TMEM52B: variants seen among roughly 807,000 people sequenced by gnomAD.
TMEM52B encodes chromosome 12 open reading frame 59.
A neutral mutation model predicts 16.1 loss-of-function variants in TMEM52B; 11 were observed. That is an observed-to-expected ratio of 0.68 (90% CI 0.43 to 1.13). TMEM52B has a LOEUF of 1.13. TMEM52B is among the 50% of genes most tolerant of loss of function. The probability of loss-of-function intolerance (pLI) is 0.00; values close to 1 mark genes in which losing one functional copy is unlikely to be tolerated. For missense variants in TMEM52B, 243 were observed against 230.4 expected (o/e 1.05, Z -0.35); for synonymous variants, 101 against 93.8 (o/e 1.08, Z -0.45).
upstream of TMEM52B, among the ~76,000 whole-genome samples, chr12:10,174,870 T>A (rs1948754334): frequency 1.3e-5 from 2 of 152,262 alleles, no homozygotes; most frequent in South Asian, 2.1e-4. Context: ...TTATTTAGCA[T>A]TATGTCTTCA....
At chr12:10,178,106 G>A (rs1399390588), upstream of TMEM52B, among the ~76,000 whole-genome samples, 3 of 151,892 alleles carry the variant, frequency 2.0e-5, no homozygotes, top group Admixed American at 6.5e-5. Flanking sequence ...ATGTTCTCCA[G>A]GCTGGTCTCA....
chr12:10,186,371 G>GA, intron 3 of TMEM52B, 49 bp from the exon 4 acceptor site: 2 of 1,522,654 alleles, frequency 1.3e-6, no homozygotes, highest in Non-Finnish European at 8.9e-7. Context: ...GCAGAGCTGG[G>GA]AAAAAAGCCA....
At chr12:10,183,530 C>T (rs1165773793) in intron 2 of TMEM52B, among the ~76,000 whole-genome samples, 1 of 152,078 alleles carries the variant, frequency 6.6e-6, no homozygotes, top group Non-Finnish European at 1.5e-5. Context: ...CACTAGATTT[C>T]AGTAGATTCC....
At chr12:10,182,006 G>A in intron 1 of TMEM52B, 1 of 877,174 alleles carries the variant, frequency 1.1e-6, no homozygotes. Context: ...CAGCCTGGGT[G>A]ACAGAGCAAG....
chr12:10,179,586 A>G lies in TMEM52B; in HGVS notation c.12A>G (p.Arg4=). Residue 4 remains arginine, a synonymous_variant, in exon 1 of 5, where the codon CGA becomes CGG. Coordinates refer to ENST00000543484, the MANE Select transcript of TMEM52B (RefSeq NM_001384896.1). MGV[R]VHVVAASALL... is the part of the protein sequence containing the mutation. ...AGGAATTCAGCCCGATGGGAGTCCG[A>G]GTTCATGTCGTGGCGGCCTCAGCCC... 5.0e-6 allele frequency: 8 copies of G among 1,614,230 alleles called. No individual in the cohort carries two copies. The highest frequency in any genetic ancestry group is 6.8e-6 in the Non-Finnish European group (8 of 1,180,044).
At chr12:10,173,045 T>G (rs1478976615) in intron 1 of TMEM52B, among the ~76,000 whole-genome samples, 1 of 152,204 alleles carries the variant, frequency 6.6e-6, no homozygotes, top group Non-Finnish European at 1.5e-5. Flanking sequence ...ATAATAATTA[T>G]TAGTATAGTA....
At chr12:10,186,372 A>G in intron 3 of TMEM52B, 48 bp from the exon 4 acceptor site, 4 of 1,520,694 alleles carry the variant, frequency 2.6e-6, no homozygotes, top group South Asian at 1.3e-5. Flanking sequence ...CAGAGCTGGG[A>G]AAAAAGCCAG....
At chr12:10,178,538 A>G (rs1948786614), upstream of TMEM52B, among the ~76,000 whole-genome samples, 1 of 151,726 alleles carries the variant, frequency 6.6e-6, no homozygotes, top group Non-Finnish European at 1.5e-5. Flanking sequence ...AAAAAAAAAA[A>G]AAAGTATTCT....
At chr12:10,185,479 C>A in intron 3 of TMEM52B, 111 bp downstream of exon 3, 1 of 806,496 alleles carries the variant, frequency 1.2e-6, no homozygotes, top group Non-Finnish European at 2.2e-6. Context: ...ATTACTTCAT[C>A]ACTACCTATG....
Position 10,189,971 on chromosome 12 carries a change from T to C in TMEM52B, c.383T>C (p.Leu128Pro). ...CACTCCCACAGCTCCCTGGGCCAGCTGCCCTCCTCTTTGGACACCCTCCCA... is the reference window on the plus strand; with the variant it reads ...CACTCCCACAGCTCCCTGGGCCAGCCGCCCTCCTCTTTGGACACCCTCCCA... ...VAHSHSSLGQ[L>P]PSSLDTLPGY... Residue 128 changes from leucine to proline, a missense_variant, in exon 5 of 5, where the codon CTG becomes CCG. Leu to Pro is a moderately conservative substitution (Grantham distance 98). Transcript: ENST00000543484. 3.1e-6 allele frequency: 5 copies of C among 1,614,190 alleles called. No homozygotes were observed. The highest frequency in any genetic ancestry group is 4.2e-6 in the Non-Finnish European group (5 of 1,180,040).
rs1272322211 is a variant in TMEM52B, at chr12:10,190,094, C to T, written c.506C>T (p.Pro169Leu). The change falls in exon 5 of 5, where the codon CCT becomes CTT. Residue 169 changes from proline to leucine, a missense_variant. By Grantham distance (98) the Pro-to-Leu change is moderately conservative (BLOSUM62 -3). Coordinates refer to ENST00000543484, the MANE Select transcript of TMEM52B (RefSeq NM_001384896.1). The stretch of plus-strand genomic sequence containing the variant: ...CCAGTACCTGAAGAAAAGCAGCTGC[C>T]TCCAACAGAGAAGGAGTCGACTCGA... ...LPPVPEEKQL[P>L]PTEKESTRIV... is the part of the protein sequence containing the mutation. 3 of 1,614,022 alleles carry T rather than the reference C, an allele frequency of 1.9e-6. No homozygotes were observed. The highest frequency in any genetic ancestry group is 2.7e-5 in the African/African-American group (2 of 74,906).
upstream of TMEM52B, among the ~76,000 whole-genome samples, chr12:10,177,753 A>T (rs1277844330): frequency 1.4e-5 from 2 of 146,950 alleles, no homozygotes; most frequent in Non-Finnish European, 3.0e-5. Context: ...CTGGTGACAG[A>T]GAGACTCTGT....
At chr12:10,176,458 G>GTCA (rs1462671849), upstream of TMEM52B, among the ~76,000 whole-genome samples, 1 of 152,218 alleles carries the variant, frequency 6.6e-6, no homozygotes, top group African/African-American at 2.4e-5. Context: ...CGAGCGGGGA[G>GTCA]TCATGTTAAC....
At chr12:10,182,849 T>C (rs1476910750) in intron 2 of TMEM52B, among the ~76,000 whole-genome samples, 2 of 152,220 alleles carry the variant, frequency 1.3e-5, no homozygotes, top group Admixed American at 6.5e-5. Context: ...TCTCAACTTA[T>C]ACAGTCATAG....
At chr12:10,182,116 G>GC in intron 1 of TMEM52B, 1 of 983,780 alleles carries the variant, frequency 1.0e-6, no homozygotes, top group Non-Finnish European at 1.2e-6. Flanking sequence ...TGTCCCACTG[G>GC]CCCCCTCGCT....
intron 2 of TMEM52B, among the ~76,000 whole-genome samples, 155 bp downstream of exon 2, chr12:10,182,748 C>T (rs139726651): frequency 2.7e-4 from 41 of 152,222 alleles, no homozygotes; most frequent in African/African-American, 8.7e-4. Flanking sequence ...AAAATAAAGA[C>T]GTGTTTTTGT....
upstream of TMEM52B, among the ~76,000 whole-genome samples, chr12:10,177,881 AT>A (rs1948779538): frequency 1.3e-5 from 2 of 151,266 alleles, no homozygotes; most frequent in African/African-American, 4.8e-5. Context: ...TTCATACAGC[AT>A]TCTTTTGTTT....
chr12:10,190,024 C>T lies in TMEM52B; in HGVS notation c.436C>T (p.Arg146Cys), dbSNP rs761823397. 3.1e-6 allele frequency: 5 copies of T among 1,614,038 alleles called. No homozygotes were observed. The highest frequency in any genetic ancestry group is 1.7e-5 in the Admixed American group (1 of 59,976). ...PGYEEALHMS[R>C]FTVAMCGQKA... ...GTATGAAGAAGCTCTTCACATGAGT[C>T]GCTTCACAGTAGCCATGTGCGGGCA... Residue 146 changes from arginine to cysteine, a missense_variant, in exon 5 of 5, where the codon CGC (arginine) becomes TGC (cysteine). By Grantham distance (180) the Arg-to-Cys change is radical (BLOSUM62 -3). Coordinates refer to ENST00000543484, the MANE Select transcript of TMEM52B (RefSeq NM_001384896.1).
intron 2 of TMEM52B, among the ~76,000 whole-genome samples, 185 bp from the exon 3 acceptor site, chr12:10,185,145 T>C (rs1948866249): frequency 6.6e-6 from 1 of 152,250 alleles, no homozygotes; most frequent in Non-Finnish European, 1.5e-5. Flanking sequence ...TAGTATAAAG[T>C]ACTATTTAAA....
Sources: gnomAD v4.1 joint callset for allele counts (sites outside exome capture counted in the v4.1 genomes callset) on GRCh38, gnomAD v4.1.1 for gene constraint, MANE v1.5 for transcripts, NCBI Gene and HGNC (gene_info 2026-07-23, HGNC 2026-07-21) for gene names.